The following IGSF10 variants were observed in gnomAD, a reference collection of about 807,000 sequenced individuals.
The protein encoded by IGSF10 is calvaria mechanical force protein 608.
A neutral mutation model predicts 128.2 loss-of-function variants in IGSF10; 126 were observed. The observed-to-expected ratio is 0.98, with a 90% confidence interval of 0.85 to 1.14. The LOEUF is 1.14. IGSF10 is among the 50% of genes most tolerant of loss of function. IGSF10 has a pLI of 0.00. For synonymous variants in IGSF10, 1,185 were observed against 1,146.2 expected (o/e 1.03, Z -0.68); for missense variants, 3,295 against 3,149.8 (o/e 1.05, Z -1.10).
chr3:151,577,841 G>A, the IGSF10 span, among the ~76,000 whole-genome samples: 2,457 of 152,286 alleles, frequency 0.016, 21 homozygotes, highest in South Asian at 0.025. Context: ...GAGTAAGTGA[G>A]CTCACCTGGG....
At chr3:151,497,330 T>C in the IGSF10 span, among the ~76,000 whole-genome samples, 1 of 152,236 alleles carries the variant, frequency 6.6e-6, no homozygotes, top group African/African-American at 2.4e-5. Flanking sequence ...AAGTCTTTAA[T>C]CCATCTTGAA....
chr3:151,481,552 A>T, the IGSF10 span, among the ~76,000 whole-genome samples: 1 of 152,302 alleles, frequency 6.6e-6, no homozygotes, highest in Admixed American at 6.5e-5. Context: ...GACTCTGGAT[A>T]AAAACTTGGG....
At chr3:151,618,978 C>T in the IGSF10 span, among the ~76,000 whole-genome samples, 1 of 150,996 alleles carries the variant, frequency 6.6e-6, no homozygotes, top group East Asian at 1.9e-4. Flanking sequence ...TACAAAGACC[C>T]TATCACGGTG....
chr3:151,472,544 G>T, the IGSF10 span, among the ~76,000 whole-genome samples: 2 of 152,066 alleles, frequency 1.3e-5, no homozygotes, highest in Admixed American at 1.3e-4. Flanking sequence ...ACTGCAGTTG[G>T]CAAAGTTAAC....
At chr3:151,529,421 C>T in the IGSF10 span, among the ~76,000 whole-genome samples, 2 of 152,194 alleles carry the variant, frequency 1.3e-5, no homozygotes, top group African/African-American at 4.8e-5. Flanking sequence ...GGAGACACCT[C>T]CCATTAGGGG....
At chr3:151,585,100 C>T in the IGSF10 span, among the ~76,000 whole-genome samples, 7 of 152,150 alleles carry the variant, frequency 4.6e-5, no homozygotes, top group African/African-American at 1.7e-4. Flanking sequence ...ATGATAGCCG[C>T]TAGCCACATG....
the IGSF10 span, among the ~76,000 whole-genome samples, chr3:151,554,596 T>A: frequency 2.0e-5 from 3 of 152,200 alleles, no homozygotes; most frequent in African/African-American, 4.8e-5. Flanking sequence ...CTATATTGCA[T>A]CTGAAGTGGT....
At chr3:151,548,025 C>A in the IGSF10 span, among the ~76,000 whole-genome samples, 1 of 152,282 alleles carries the variant, frequency 6.6e-6, no homozygotes, top group South Asian at 2.1e-4. Flanking sequence ...GACCTTTCTA[C>A]TCTCCCATTG....
At chr3:151,484,554 G>A in the IGSF10 span, among the ~76,000 whole-genome samples, 8 of 152,066 alleles carry the variant, frequency 5.3e-5, no homozygotes, top group African/African-American at 1.9e-4. Flanking sequence ...GGAGAGCTCT[G>A]GCTGGCATCT....
the IGSF10 span, among the ~76,000 whole-genome samples, chr3:151,539,568 C>T: frequency 5.1e-4 from 77 of 152,240 alleles, no homozygotes; most frequent in African/African-American, 1.8e-3. Context: ...TATTTTCCCT[C>T]TTTTTACAGT....
the IGSF10 span, among the ~76,000 whole-genome samples, chr3:151,506,701 C>A: frequency 6.6e-6 from 1 of 151,928 alleles, no homozygotes; most frequent in Admixed American, 6.6e-5. Context: ...TCTGTGCTTA[C>A]GAGATATAAA....
chr3:151,514,362 A>C, the IGSF10 span, among the ~76,000 whole-genome samples: 1 of 152,210 alleles, frequency 6.6e-6, no homozygotes, highest in South Asian at 2.1e-4. Flanking sequence ...AAAAACAAGC[A>C]ATGGGGAAAG....
intron 7 of IGSF10, among the ~76,000 whole-genome samples, chr3:151,442,627 GA>G (rs1243874997): frequency 2.0e-5 from 3 of 148,846 alleles, no homozygotes; most frequent in Admixed American, 6.8e-5. Flanking sequence ...GACCTCAGGT[GA>G]TCCATCTGTC....
chr3:151,463,535 T>TGTG (rs56084857), upstream of IGSF10, among the ~76,000 whole-genome samples: 1 of 52,156 alleles, frequency 1.9e-5, no homozygotes, highest in South Asian at 6.9e-4. Flanking sequence ...TTTTTTTTTT[T>TGTG]TTTTTTTTTT....
At chr3:151,502,682 GAAGT>G in the IGSF10 span, among the ~76,000 whole-genome samples, 1 of 151,798 alleles carries the variant, frequency 6.6e-6, no homozygotes, top group Non-Finnish European at 1.5e-5. Flanking sequence ...TTTAAGACTT[GAAGT>G]AAGACTTCTA....
At chr3:151,559,338 G>C in the IGSF10 span, among the ~76,000 whole-genome samples, 1 of 152,138 alleles carries the variant, frequency 6.6e-6, no homozygotes, top group African/African-American at 2.4e-5. Context: ...TGCACAGTGA[G>C]AATTCACCAA....
Position 151,438,291 on chromosome 3 carries a change from G to A in IGSF10, c.6270C>T (p.Gly2090=). ...INNAMQADDS[G]HRTRRYTLFN... is the part of the protein sequence containing the mutation. ...AAAGGGTATATCTCCTAGTCCTGTG[G>A]CCACTGTCATCGGCTTGCATTGCAT... Residue 2090 remains glycine (G), a synonymous_variant, in exon 8 of 8, where the codon GGC becomes GGT. Coordinates refer to ENST00000282466, the MANE Select transcript of IGSF10 (RefSeq NM_178822.5). The A allele has an allele frequency of 6.2e-7, 1 of 1,614,122 alleles. No individual in the cohort carries two copies. The highest frequency in any genetic ancestry group is 2.2e-5 in the East Asian group (1 of 44,888).
intron 7 of IGSF10, among the ~76,000 whole-genome samples, chr3:151,441,548 CTAAGCA>C (rs1720845882): frequency 6.6e-6 from 1 of 152,118 alleles, no homozygotes; most frequent in South Asian, 2.1e-4. Context: ...TCTTCAACTC[CTAAGCA>C]TGAGTACAAA....
In IGSF10 at chr3:151,436,706, A is replaced by G. The variant is rs759421030; in HGVS notation, c.7855T>C (p.Tyr2619His). 3 of 1,605,558 alleles carry G rather than the reference A, an allele frequency of 1.9e-6. No homozygotes were observed. The highest frequency in any genetic ancestry group is 2.6e-6 in the Non-Finnish European group (3 of 1,175,616). ...ATTTCATGTCAGATTACTTGAATAT[A>G]CGTTGCTGCATAATCACTACCAAGT... is the stretch of plus-strand genomic sequence containing the variant. ...NPLGSDYAAT[Y>H]IQVI The change falls in exon 8 of 8, where the codon TAT becomes CAT. Residue 2619 changes from tyrosine (Y) to histidine (H), a missense_variant. Tyr to His is a moderately conservative substitution (Grantham distance 83). Coordinates refer to ENST00000282466, the MANE Select transcript of IGSF10 (RefSeq NM_178822.5).
Sources: gnomAD v4.1 joint callset for allele counts (sites outside exome capture counted in the v4.1 genomes callset) on GRCh38, gnomAD v4.1.1 for gene constraint, MANE v1.5 for transcripts, NCBI Gene and HGNC (gene_info 2026-07-23, HGNC 2026-07-21) for gene names.